Variants in ACAP2 observed in about 807,000 individuals in gnomAD.
ACAP2 encodes arf-GAP with coiled-coil, ANK repeat and PH domain-containing protein 2.
In ACAP2, 39 loss-of-function variants were observed where a neutral mutation model predicts 115.8. The observed-to-expected ratio is 0.34, with a 90% CI of 0.26 to 0.44. The LOEUF (loss-of-function observed/expected upper bound fraction) is 0.44. Among genes scored for constraint, ACAP2 ranks in the 20% least tolerant of loss-of-function variants. The probability of loss-of-function intolerance (pLI) is 1.00; values close to 1 mark genes in which losing one functional copy is unlikely to be tolerated. For missense variants in ACAP2, 662 were observed against 927.6 expected (o/e 0.71, Z 3.72); for synonymous variants, 289 against 315.8 (o/e 0.92, Z 0.90).
At chr3:195,440,161 CTTTAAGCTGAT>C (rs1399066508) in intron 1 of ACAP2, among the ~76,000 whole-genome samples, 1 of 151,950 alleles carries the variant, frequency 6.6e-6, no homozygotes, top group African/African-American at 2.4e-5. Flanking sequence ...AGATTTTGAC[CTTTAAGCTGAT>C]TTTAAACTGG....
intron 1 of ACAP2, among the ~76,000 whole-genome samples, chr3:195,425,240 T>TACC (rs973828795): frequency 2.6e-5 from 4 of 152,142 alleles, no homozygotes; most frequent in African/African-American, 9.7e-5. Context: ...TTATGACAAC[T>TACC]ACCCATCAAG....
At chr3:195,346,347 A>T (rs1429683298) in intron 4 of ACAP2, among the ~76,000 whole-genome samples, 1 of 152,208 alleles carries the variant, frequency 6.6e-6, no homozygotes, top group African/African-American at 2.4e-5. Flanking sequence ...AGCGAATATT[A>T]TAAAATTGAT....
chr3:195,434,797 G>A (rs1294621119), intron 1 of ACAP2, among the ~76,000 whole-genome samples: 1 of 152,112 alleles, frequency 6.6e-6, no homozygotes, highest in African/African-American at 2.4e-5. Context: ...CAGATTTTCT[G>A]TTTCTTCTTG....
At chr3:195,358,179 T>C (rs138214935) in intron 4 of ACAP2, among the ~76,000 whole-genome samples, 27 of 152,254 alleles carry the variant, frequency 1.8e-4, no homozygotes, top group African/African-American at 6.0e-4. Flanking sequence ...TGCCCTCTAA[T>C]GCAGATACAG....
chr3:195,442,054 T>C (rs1416062830), intron 1 of ACAP2: 1 of 152,378 alleles, frequency 6.6e-6, no homozygotes, highest in African/African-American at 2.4e-5. Flanking sequence ...AAAACAGAAA[T>C]GCACTTTTCT....
chr3:195,358,288 A>C (rs913152791), intron 4 of ACAP2, among the ~76,000 whole-genome samples: 2 of 152,190 alleles, frequency 1.3e-5, no homozygotes, highest in Non-Finnish European at 2.9e-5. Flanking sequence ...CAGACTGTGA[A>C]GCCTACAATA....
At chr3:195,392,628 ATC>A (rs1409921443) in intron 1 of ACAP2, among the ~76,000 whole-genome samples, 1 of 152,226 alleles carries the variant, frequency 6.6e-6, no homozygotes, top group African/African-American at 2.4e-5. Context: ...ACTAATTTTC[ATC>A]TCTCTTCTTC....
chr3:195,342,564 T>C lies in ACAP2; in HGVS notation c.435A>G (p.Gln145=), dbSNP rs1386270793. Residue 145 remains glutamine (Q), a synonymous_variant, in exon 6 of 23, where the codon CAA becomes CAG. Transcript: ENST00000326793. ...CTTCAACTTCATGTTGTTTGTTTCT[T>C]TGTACTTGGGCATTTTTTACTAACG... is the stretch of plus-strand genomic sequence containing the variant. The part of the protein sequence containing the change: ...ENALVKNAQV[Q]RNKQHEVEEA... The C allele has an allele frequency of 2.5e-6, 4 of 1,613,234 alleles. 1 individual carries two copies. The highest frequency in any genetic ancestry group is 2.5e-6 in the Non-Finnish European group (3 of 1,179,804).
chr3:195,328,723 A>T (rs2108619167), intron 8 of ACAP2, among the ~76,000 whole-genome samples: 1 of 152,362 alleles, frequency 6.6e-6, no homozygotes, highest in East Asian at 1.9e-4. Context: ...ACAAATATGC[A>T]CGCATATACT....
chr3:195,420,806 C>A (rs932749952), intron 1 of ACAP2, among the ~76,000 whole-genome samples: 4 of 152,002 alleles, frequency 2.6e-5, no homozygotes, highest in African/African-American at 7.2e-5. Flanking sequence ...CCATGCCCAG[C>A]TAATTTTTTG....
chr3:195,394,194 C>T (rs1711556666), intron 1 of ACAP2, among the ~76,000 whole-genome samples: 1 of 152,168 alleles, frequency 6.6e-6, no homozygotes, highest in Non-Finnish European at 1.5e-5. Context: ...CCTCCAGCAC[C>T]TCACACACAT....
chr3:195,289,113 G>A lies in ACAP2; in HGVS notation c.2174+8C>T. On this transcript the variant is annotated splice_region_variant and intron_variant, in intron 21 of 22. Coordinates refer to ENST00000326793, the MANE Select transcript of ACAP2 (RefSeq NM_012287.6). ...ATGGAAATAGTCAAGTAAAAAGGAA[G>A]TACTTACAAGGTGACTATATCAGCA... 6.3e-7 allele frequency: 1 copy of A among 1,594,412 alleles called. No homozygotes were observed.
intron 4 of ACAP2, among the ~76,000 whole-genome samples, chr3:195,353,610 CAG>C (rs551097394): frequency 2.0e-3 from 307 of 152,190 alleles, no homozygotes; most frequent in African/African-American, 6.9e-3. Context: ...GGGAGAGAAA[CAG>C]AAATTACAAA....
At chr3:195,321,078 C>T (rs1019769165) in intron 9 of ACAP2, among the ~76,000 whole-genome samples, 4 of 151,382 alleles carry the variant, frequency 2.6e-5, no homozygotes, top group African/African-American at 7.3e-5. Context: ...GAATATAGTG[C>T]AAAACAGAAA....
chr3:195,295,568 A>G lies in ACAP2; in HGVS notation c.1672+140T>C, dbSNP rs548203846. 15 of 883,958 alleles carry G rather than the reference A, an allele frequency of 1.7e-5. No individual in the cohort carries two copies. In the South Asian group the frequency reaches 2.6e-4, roughly 16 times the overall value. The allele number at this position is 883,958 out of a possible 1,614,324, so 54.8% of individuals were successfully genotyped here. Reference sequence around the variant, plus strand: ...AGTTAACTATTTTAAAGACACAGAAATTCAGTTTTTCTTAGAATATGTAGA... The same window carrying G: ...AGTTAACTATTTTAAAGACACAGAAGTTCAGTTTTTCTTAGAATATGTAGA... On this transcript the variant is annotated intron_variant, in intron 17 of 22. Coordinates refer to ENST00000326793, the MANE Select transcript of ACAP2 (RefSeq NM_012287.6).
intron 5 of ACAP2, among the ~76,000 whole-genome samples, chr3:195,343,002 A>AG: frequency 6.6e-6 from 1 of 152,118 alleles, no homozygotes; most frequent in East Asian, 1.9e-4. Flanking sequence ...CTCAAAAAAA[A>AG]AAAAAAATTA....
At chr3:195,378,924 C>G (rs1733763214) in intron 4 of ACAP2, among the ~76,000 whole-genome samples, 1 of 150,800 alleles carries the variant, frequency 6.6e-6, no homozygotes, top group African/African-American at 2.4e-5. Flanking sequence ...ACATTTAAAA[C>G]CATAAGAGCA....
intron 4 of ACAP2, among the ~76,000 whole-genome samples, chr3:195,380,560 A>T (rs1733875861): frequency 1.3e-5 from 2 of 152,186 alleles, no homozygotes. Context: ...TCTTAAACAC[A>T]CATATAAATA....
At chr3:195,287,974 G>A (rs1259736750) in intron 21 of ACAP2, among the ~76,000 whole-genome samples, 3 of 151,992 alleles carry the variant, frequency 2.0e-5, no homozygotes, top group Non-Finnish European at 4.4e-5. Flanking sequence ...GGTGGCGCAT[G>A]TGTGTAATCC....
Sources: allele counts gnomAD v4.1 joint callset (sites outside exome capture counted in the v4.1 genomes callset), GRCh38; gene constraint gnomAD v4.1.1; transcripts MANE v1.5; gene names NCBI Gene and HGNC (gene_info 2026-07-23, HGNC 2026-07-21).